Variants in DSCAML1 observed in about 807,000 individuals in gnomAD.
The protein encoded by DSCAML1 is DS cell adhesion molecule like 1, also known as cell adhesion molecule DSCAML1.
A neutral mutation model predicts 200.5 loss-of-function variants in DSCAML1; 38 were observed. The ratio of observed to expected loss-of-function variants is 0.19; its 90% CI spans 0.15 to 0.25. DSCAML1 has a LOEUF of 0.25. Ranked by LOEUF, DSCAML1 falls within the 10% of genes least tolerant of loss-of-function variation. The pLI is 1.00. For missense variants in DSCAML1, 2,223 were observed against 2,858.8 expected (o/e 0.78, Z 5.07); for synonymous variants, 1,215 against 1,165.0 (o/e 1.04, Z -0.87).
intron 3 of DSCAML1, among the ~76,000 whole-genome samples, chr11:117,592,803 G>A (rs2051282511): frequency 6.6e-6 from 1 of 152,214 alleles, no homozygotes; most frequent in Admixed American, 6.5e-5. Flanking sequence ...TACATGATGG[G>A]TGCAGACCTG....
chr11:117,803,357 AT>A (rs1410186916), intron 1 of DSCAML1, among the ~76,000 whole-genome samples: 1 of 151,644 alleles, frequency 6.6e-6, no homozygotes, highest in Admixed American at 6.6e-5. Context: ...ACGTAAAAAA[AT>A]TTTTTTTAAT....
chr11:117,488,425 T>C (rs976980552), intron 11 of DSCAML1, among the ~76,000 whole-genome samples: 3 of 152,196 alleles, frequency 2.0e-5, no homozygotes, highest in Non-Finnish European at 4.4e-5. Flanking sequence ...TCTCTCTATA[T>C]GGAGACCAGC....
At chr11:117,604,911 C>A (rs568878558) in intron 3 of DSCAML1, among the ~76,000 whole-genome samples, 87 of 152,314 alleles carry the variant, frequency 5.7e-4, no homozygotes, top group African/African-American at 2.0e-3. Context: ...TGGGGATGGC[C>A]ACTGCCTGGC....
intron 3 of DSCAML1, chr11:117,611,556 A>G (rs1225167354): frequency 2.0e-5 from 3 of 152,184 alleles, no homozygotes; most frequent in Non-Finnish European, 2.9e-5. Flanking sequence ...TTATTGAATG[A>G]CTGAACAAAA....
At position 117,776,763 on chromosome 11, in the gene DSCAML1, T is replaced by C. The variant is rs747271437; in HGVS notation, c.511+28A>G. On this transcript the variant is annotated intron_variant, in intron 3 of 32. Transcript: ENST00000651296. ...AGTCCCCACAGAGGGAGCACCTCTG[T>C]CTGCCGCAGCCCCGGGACGCTTCTT... 6 of 1,613,584 alleles carry C rather than the reference T, an allele frequency of 3.7e-6. No individual in the cohort carries two copies. In the African/African-American group the frequency reaches 8.0e-5, roughly 22 times the overall value.
chr11:117,632,726 G>A (rs904603456), intron 3 of DSCAML1, among the ~76,000 whole-genome samples: 2 of 152,320 alleles, frequency 1.3e-5, no homozygotes, highest in Non-Finnish European at 2.9e-5. Context: ...TCAGGTTTGC[G>A]TGGGTCAGTT....
intron 1 of DSCAML1, among the ~76,000 whole-genome samples, chr11:117,786,730 G>A (rs928329983): frequency 4.6e-5 from 7 of 152,072 alleles, no homozygotes; most frequent in South Asian, 4.2e-4. Flanking sequence ...TTAACACCTC[G>A]CCACCTCCAC....
intron 3 of DSCAML1, among the ~76,000 whole-genome samples, chr11:117,572,221 C>T (rs2050859347): frequency 6.6e-6 from 1 of 152,176 alleles, no homozygotes. Context: ...GGATCGGGAC[C>T]CCTTCCCTGT....
intron 11 of DSCAML1, among the ~76,000 whole-genome samples, chr11:117,490,985 C>T (rs960488884): frequency 6.6e-5 from 10 of 152,198 alleles, no homozygotes; most frequent in African/African-American, 2.4e-4. Context: ...CTCCTGGCCT[C>T]TTTTCCTCTG....
At chr11:117,633,462 C>A (rs2052215846) in intron 3 of DSCAML1, among the ~76,000 whole-genome samples, 1 of 152,186 alleles carries the variant, frequency 6.6e-6, no homozygotes, top group Non-Finnish European at 1.5e-5. Context: ...TTAAAAATGG[C>A]TTGGCTGTAC....
intron 6 of DSCAML1, 114 bp downstream of exon 6, chr11:117,521,016 T>G: frequency 7.2e-7 from 1 of 1,384,952 alleles, no homozygotes; most frequent in Non-Finnish European, 9.9e-7. Flanking sequence ...ACCGGCCTGG[T>G]GTGTAGTGAG....
chr11:117,486,309 T>TGGCGGATGGGAAAGTGGC (rs1565731058), intron 11 of DSCAML1, among the ~76,000 whole-genome samples: 2 of 130,000 alleles, frequency 1.5e-5, no homozygotes, highest in African/African-American at 2.8e-5. Flanking sequence ...GTGAAAGTAG[T>TGGCGGATGGGAAAGTGGC]GGATGTGAAA....
chr11:117,659,182 G>A (rs1356394696), intron 3 of DSCAML1, among the ~76,000 whole-genome samples: 1 of 152,206 alleles, frequency 6.6e-6, no homozygotes, highest in Non-Finnish European at 1.5e-5. Context: ...TTGGAAGACG[G>A]TGTTTCTTTT....
intron 3 of DSCAML1, among the ~76,000 whole-genome samples, chr11:117,672,281 G>A (rs2053126900): frequency 6.6e-6 from 1 of 152,078 alleles, no homozygotes; most frequent in Non-Finnish European, 1.5e-5. Context: ...CCCTTGAACA[G>A]AGGGGCAGGC....
intron 3 of DSCAML1, among the ~76,000 whole-genome samples, chr11:117,769,492 A>T (rs1268259190): frequency 2.6e-5 from 2 of 78,382 alleles, no homozygotes; most frequent in African/African-American, 7.3e-5. Flanking sequence ...TATATATTTT[A>T]TATATATAAT....
chr11:117,439,770 T>C, intron 22 of DSCAML1, 49 bp downstream of exon 22: 1 of 1,549,024 alleles, frequency 6.5e-7, no homozygotes, highest in Admixed American at 1.7e-5. Context: ...GCTCTTCTAC[T>C]ATATCCCTCT....
At chr11:117,529,493 C>T (rs888788399) in intron 4 of DSCAML1, among the ~76,000 whole-genome samples, 1 of 152,198 alleles carries the variant, frequency 6.6e-6, no homozygotes, top group African/African-American at 2.4e-5. Context: ...TTATGCCAGG[C>T]TGCACAACTA....
In DSCAML1 at chr11:117,503,710, C is replaced by T. The variant is rs2049439306; in HGVS notation, c.2359+135G>A. ...CCCCATCCAAGGGTCCCAAGGCCAC[C>T]TCTCACTAGGAAGCCTTCCTGCCTC... On this transcript the variant is annotated intron_variant, in intron 11 of 32. Transcript: ENST00000651296. The surrounding 1 kb of genome is among the most constrained non-coding windows in gnomAD (Gnocchi z 5.2). 1.9e-6 allele frequency: 2 copies of T among 1,070,834 alleles called. No homozygotes were observed. Among genetic ancestry groups the T allele is most frequent in the Non-Finnish European group, 2.6e-6 (2 of 760,662 alleles). 66.3% of individuals were successfully genotyped at this position (1,070,834 alleles called of 1,614,324 possible).
At chr11:117,675,470 ATTTTTTTTTTTTT>A (rs533948278) in intron 3 of DSCAML1, among the ~76,000 whole-genome samples, 2 of 96,906 alleles carry the variant, frequency 2.1e-5, no homozygotes, top group African/African-American at 4.8e-5. Context: ...GCTGATTGAA[ATTTTTTTTTTTTT>A]TTTTTTTTTT....
Sources: gnomAD v4.1 joint callset for allele counts (sites outside exome capture counted in the v4.1 genomes callset) on GRCh38, gnomAD v4.1.1 for gene constraint, Gnocchi (gnomAD v3.1) non-coding constraint, MANE v1.5 for transcripts, NCBI Gene and HGNC (gene_info 2026-07-23, HGNC 2026-07-21) for gene names.